RP1L1: variants seen among roughly 807,000 people sequenced by gnomAD.
The protein encoded by RP1L1 is RP1 like 1.
In RP1L1, 27 loss-of-function variants were observed where a neutral mutation model predicts 15.7. That is an observed-to-expected ratio of 1.72 (90% CI 1.27 to 2.38). The LOEUF is 2.38. Among genes scored for constraint, RP1L1 ranks in the 30% most tolerant of loss-of-function variants. The pLI is 0.00. For missense variants in RP1L1, 4,798 were observed against 3,075.9 expected, an observed-to-expected ratio of 1.56 and a Z score of -13.24; for synonymous variants, 1,813 against 1,276.7, an observed-to-expected ratio of 1.42 and a Z score of -8.96.
rs572305644 is a variant in RP1L1, at chr8:10,608,034, CG to C, written c.6063del (p.Asp2021GlufsTer3). The C allele has an allele frequency of 9.0e-5, 145 of 1,613,096 alleles. 6 individuals carry two copies. In the East Asian group the frequency reaches 3.1e-3, roughly 35 times the overall value. On this transcript the variant is annotated frameshift_variant, in exon 4 of 4. Coordinates refer to ENST00000382483, the MANE Select transcript of RP1L1 (RefSeq NM_178857.6). LOFTEE classifies it low-confidence loss of function (END_TRUNC). Reference sequence around the variant, plus strand: ...TCTGACTTTGGCTGGGCCTCTACACCGTCTGACTCTGGCTGGGCCTCCTCTT... The same window carrying C: ...TCTGACTTTGGCTGGGCCTCTACACCTCTGACTCTGGCTGGGCCTCCTCTT... The part of the protein sequence containing the change: ...EAEEEAQPES[D>X]GVEAQPKSEG...
chr8:10,606,832 T>C lies in RP1L1; in HGVS notation c.*63A>G. On this transcript the variant is annotated 3_prime_UTR_variant, in exon 4 of 4. Coordinates refer to ENST00000382483, the MANE Select transcript of RP1L1 (RefSeq NM_178857.6). The stretch of plus-strand genomic sequence containing the variant: ...GTGGACTGAACGTTGCTCAGTTTTG[T>C]AGAAAAAATATGAATAAAAACAGAG... 7 of 1,609,318 alleles carry C rather than the reference T, an allele frequency of 4.3e-6. No individual in the cohort carries two copies. Among genetic ancestry groups the C allele is most frequent in the Non-Finnish European group, 5.1e-6 (6 of 1,179,846 alleles).
chr8:10,617,432 G>A, intron 2 of RP1L1, among the ~76,000 whole-genome samples: 1 of 145,192 alleles, frequency 6.9e-6, no homozygotes, highest in African/African-American at 2.5e-5. Flanking sequence ...GAAAAAAGAA[G>A]GAACATTACA....
rs1797752696 is a variant in RP1L1, at chr8:10,608,330, T to C, written c.5768A>G (p.Glu1923Gly). 1 of 1,613,572 alleles carries C rather than the reference T, an allele frequency of 6.2e-7. No individual in the cohort carries two copies. The highest frequency in any genetic ancestry group is 2.2e-5 in the East Asian group (1 of 44,780). Reference sequence around the variant, plus strand: ...GTCCTCCCCTTCAGTCTCCAGGGCCTCTACACTTTCTGTCTCTGGCTGGGC... The same window carrying C: ...GTCCTCCCCTTCAGTCTCCAGGGCCCCTACACTTTCTGTCTCTGGCTGGGC... ...KEAQPETESV[E>G]ALETEGEDEP... Residue 1923 changes from glutamate to glycine, a missense_variant, in exon 4 of 4, where the codon GAG becomes GGG. Transcript: ENST00000382483.
At chr8:10,630,035 G>A (rs764403517) in intron 1 of RP1L1, among the ~76,000 whole-genome samples, 1 of 152,196 alleles carries the variant, frequency 6.6e-6, no homozygotes, top group Non-Finnish European at 1.5e-5. Flanking sequence ...CCCATCCTGA[G>A]TGGGAGTCAG....
At chr8:10,635,134 G>T (rs75266243) in intron 1 of RP1L1, among the ~76,000 whole-genome samples, 6,232 of 152,200 alleles carry the variant, frequency 0.041, 372 homozygotes, top group African/African-American at 0.13. Context: ...CGGGTGACGC[G>T]GTCTTCATCT....
At chr8:10,625,064 C>T (rs1365713117) in intron 1 of RP1L1, among the ~76,000 whole-genome samples, 1 of 152,200 alleles carries the variant, frequency 6.6e-6, no homozygotes, top group African/African-American at 2.4e-5. Flanking sequence ...GACCGGCCTT[C>T]AGAAGCCGGA....
chr8:10,653,583 C>A (rs1245460080), intron 1 of RP1L1, among the ~76,000 whole-genome samples: 1 of 151,910 alleles, frequency 6.6e-6, no homozygotes, highest in African/African-American at 2.4e-5. Context: ...TGTGCACACA[C>A]CCACACCCAC....
At chr8:10,619,259 G>A (rs1798020613) in intron 2 of RP1L1, among the ~76,000 whole-genome samples, 1 of 152,226 alleles carries the variant, frequency 6.6e-6, no homozygotes, top group African/African-American at 2.4e-5. Context: ...CCACTAATAA[G>A]ATGCACTTGA....
Position 10,609,264 on chromosome 8 carries a change from C to T in RP1L1, c.4834G>A (p.Gly1612Ser). The change falls in exon 4 of 4, where the codon GGC becomes AGC. Residue 1612 changes from glycine (G) to serine (S), a missense_variant. Coordinates refer to ENST00000382483, the MANE Select transcript of RP1L1 (RefSeq NM_178857.6). ...QTQQRRHRLR[G>S]LRNLSAFSER... ...GAGAAGGCCGAGAGGTTTCGCAGGC[C>T]CCGGAGACGGTGTCTGCGCTGCTGG... 6.2e-7 allele frequency: 1 copy of T among 1,609,206 alleles called. No homozygotes were observed. The highest frequency in any genetic ancestry group is 8.5e-7 in the Non-Finnish European group (1 of 1,179,680).
chr8:10,622,958 T>TG lies in RP1L1; in HGVS notation c.243dup (p.Thr82HisfsTer8). ...AGGCTATGCAGGCCCCGGGGTGTGGTGACAGAGCGCACCCCAAAGGAGAGA... is the reference window on the plus strand; with the variant it reads ...AGGCTATGCAGGCCCCGGGGTGTGGTGGACAGAGCGCACCCCAAAGGAGAGA... On this transcript the variant is annotated frameshift_variant, in exon 2 of 4. Coordinates refer to ENST00000382483, the MANE Select transcript of RP1L1 (RefSeq NM_178857.6). LOFTEE classifies it high-confidence loss of function. 6.2e-7 allele frequency: 1 copy of TG among 1,613,964 alleles called. No homozygotes were observed. The highest frequency in any genetic ancestry group is 8.5e-7 in the Non-Finnish European group (1 of 1,179,958).
Position 10,608,705 on chromosome 8 carries a change from C to G in RP1L1, c.5393G>C (p.Ser1798Thr). ...GEAEQEGEGISERGETGGQGS... is the reference protein window; with the variant it reads ...GEAEQEGEGITERGETGGQGS... ...TTGACCCCCAGTTTCTCCCCTTTCA[C>G]TTATGCCCTCTCCCTCCTGCTCAGC... The change falls in exon 4 of 4, where the codon AGT (serine) becomes ACT (threonine). Residue 1798 changes from serine (S) to threonine (T), a missense_variant. Physicochemically the swap from Ser to Thr is moderately conservative, Grantham distance 58 (BLOSUM62 1). Transcript: ENST00000382483. 1 of 1,614,238 alleles carries G rather than the reference C, an allele frequency of 6.2e-7. No homozygotes were observed. The highest frequency in any genetic ancestry group is 2.2e-5 in the East Asian group (1 of 44,884).
chr8:10,650,307 T>C (rs1326292116), intron 1 of RP1L1, among the ~76,000 whole-genome samples: 1 of 152,216 alleles, frequency 6.6e-6, no homozygotes, highest in Non-Finnish European at 1.5e-5. Context: ...CACTTTTAGC[T>C]GGGAATTTTG....
chr8:10,652,648 C>T (rs1277659009), intron 1 of RP1L1, among the ~76,000 whole-genome samples: 1 of 151,858 alleles, frequency 6.6e-6, no homozygotes, highest in Non-Finnish European at 1.5e-5. Flanking sequence ...CTTCATTTTA[C>T]AATTGATCCT....
In RP1L1 at chr8:10,612,457, T is replaced by A. The variant is rs751417050; in HGVS notation, c.1641A>T (p.Glu547Asp). ...ASTGSHEGSS[E>D]WGGRPQGCPG... ...GACAGCCCTGGGGCCGCCCACCCCA[T>A]TCGCTGGATCCCTCATGAGAGCCGG... The change falls in exon 4 of 4, where the codon GAA becomes GAT. Residue 547 changes from glutamate (E) to aspartate (D), a missense_variant. Transcript: ENST00000382483. 6.2e-7 allele frequency: 1 copy of A among 1,612,560 alleles called. No homozygotes were observed. Among genetic ancestry groups the A allele is most frequent in the Non-Finnish European group, 8.5e-7 (1 of 1,179,996 alleles).
At chr8:10,617,329 G>A (rs1164373303) in intron 2 of RP1L1, among the ~76,000 whole-genome samples, 2 of 139,036 alleles carry the variant, frequency 1.4e-5, no homozygotes, top group African/African-American at 5.4e-5. Context: ...AATGGGGAAT[G>A]TATTTCCATC....
rs908038796 is a variant in RP1L1 at position 10,611,181 on chromosome 8, A to G, written c.2917T>C (p.Tyr973His). Residue 973 changes from tyrosine to histidine, a missense_variant, in exon 4 of 4, where the codon TAT (tyrosine) becomes CAT (histidine). Tyr to His is a moderately conservative substitution (Grantham distance 83). Transcript: ENST00000382483. ...NIPEEPILMT[Y>H]ELADETTGAA... Reference sequence around the variant, plus strand: ...CCTGTGGTCTCGTCCGCCAACTCATATGTCATGAGTATGGGCTCTTCTGGA... The same window carrying G: ...CCTGTGGTCTCGTCCGCCAACTCATGTGTCATGAGTATGGGCTCTTCTGGA... 1 of 1,612,782 alleles carries G rather than the reference A, an allele frequency of 6.2e-7. No homozygotes were observed. The highest frequency in any genetic ancestry group is 8.5e-7 in the Non-Finnish European group (1 of 1,180,012).
In RP1L1 at chr8:10,608,695, T is replaced by C. The variant is rs1229541698; in HGVS notation, c.5403A>G (p.Gly1801=). The change falls in exon 4 of 4, where the codon GGA becomes GGG. Residue 1801 remains glycine (G), a synonymous_variant. Transcript: ENST00000382483. ...GCCCAGAGCCTTGACCCCCAGTTTC[T>C]CCCCTTTCACTTATGCCCTCTCCCT... ...EQEGEGISER[G]ETGGQGSGHE... 6.2e-7 allele frequency: 1 copy of C among 1,614,178 alleles called. No homozygotes were observed. Among genetic ancestry groups the C allele is most frequent in the African/African-American group, 1.3e-5 (1 of 75,020 alleles).
At chr8:10,643,778 G>A (rs1015091724) in intron 1 of RP1L1, among the ~76,000 whole-genome samples, 5 of 151,986 alleles carry the variant, frequency 3.3e-5, no homozygotes, top group African/African-American at 4.8e-5. Context: ...GGGCCTCGCT[G>A]GCTACCTCTC....
In RP1L1 at chr8:10,608,314, T is replaced by G; in HGVS notation, c.5784A>C (p.Glu1928Asp). 1 of 1,613,010 alleles carries G rather than the reference T, an allele frequency of 6.2e-7. No individual in the cohort carries two copies. The highest frequency in any genetic ancestry group is 1.1e-5 in the South Asian group (1 of 90,990). The change falls in exon 4 of 4, where the codon GAA (glutamate) becomes GAC (aspartate). Residue 1928 changes from glutamate to aspartate, a missense_variant. Physicochemically the swap from Glu to Asp is conservative, Grantham distance 45. Coordinates refer to ENST00000382483, the MANE Select transcript of RP1L1 (RefSeq NM_178857.6). ...CTTCTGACTCTGGCTCGTCCTCCCC[T>G]TCAGTCTCCAGGGCCTCTACACTTT... Reference protein sequence around the residue: ...ETESVEALETEGEDEPESEGA... With the variant: ...ETESVEALETDGEDEPESEGA...
Sources: gnomAD v4.1 joint callset for allele counts (sites outside exome capture counted in the v4.1 genomes callset) on GRCh38, gnomAD v4.1.1 for gene constraint, MANE v1.5 for transcripts, NCBI Gene and HGNC (gene_info 2026-07-23, HGNC 2026-07-21) for gene names.